The following MMP26 variants were observed in gnomAD, a reference collection of about 807,000 sequenced individuals.
The protein encoded by MMP26 is matrix metalloproteinase-26.
In MMP26, 33 loss-of-function variants were observed where a neutral mutation model predicts 31.0. That is an observed-to-expected ratio of 1.06 (90% CI 0.81 to 1.42). The LOEUF is 1.42. MMP26 is among the 40% of genes most tolerant of loss of function. The probability of loss-of-function intolerance (pLI) is 0.00; values close to 1 mark genes in which losing one functional copy is unlikely to be tolerated. For synonymous variants in MMP26, 122 were observed against 114.9 expected (o/e 1.06, Z -0.40); for missense variants, 347 against 316.1 (o/e 1.10, Z -0.74).
chr11:4,987,828 GTC>G (rs1257654587), intron 2 of MMP26, among the ~76,000 whole-genome samples: 2 of 152,104 alleles, frequency 1.3e-5, no homozygotes, highest in Non-Finnish European at 2.9e-5. Context: ...AAGATTGAAT[GTC>G]TCTGACTGGT....
At chr11:4,869,869 A>G (rs1020712539) in intron 2 of MMP26, among the ~76,000 whole-genome samples, 3 of 152,212 alleles carry the variant, frequency 2.0e-5, no homozygotes, top group African/African-American at 7.2e-5. Flanking sequence ...ACATATATAT[A>G]CACCAGGGAA....
intron 2 of MMP26, among the ~76,000 whole-genome samples, chr11:4,819,922 T>C (rs1292505161): frequency 1.3e-5 from 2 of 152,114 alleles, no homozygotes; most frequent in Admixed American, 1.3e-4. Flanking sequence ...TTTTCCATAG[T>C]GGATATAGCC....
At chr11:4,804,151 G>A in intron 2 of MMP26, 1 of 1,614,178 alleles carries the variant, frequency 6.2e-7, no homozygotes, top group Non-Finnish European at 8.5e-7. Flanking sequence ...AGTGGAGGAG[G>A]AGAGGACCAG....
chr11:4,738,769 A>C (rs1399946032), intron 1 of MMP26, among the ~76,000 whole-genome samples: 2 of 152,092 alleles, frequency 1.3e-5, no homozygotes, highest in African/African-American at 4.8e-5. Context: ...GAATTTTTGA[A>C]AGCGTTCCTT....
intron 1 of MMP26, among the ~76,000 whole-genome samples, chr11:4,716,183 G>A (rs1165034287): frequency 6.6e-6 from 1 of 152,210 alleles, no homozygotes; most frequent in Non-Finnish European, 1.5e-5. Flanking sequence ...ATCTCCAATT[G>A]TTCCTCTCCA....
chr11:4,759,379 A>G (rs571508508), intron 1 of MMP26, among the ~76,000 whole-genome samples: 1 of 152,276 alleles, frequency 6.6e-6, no homozygotes, highest in South Asian at 2.1e-4. Context: ...CTTTCAATCA[A>G]CAATTTAATT....
At chr11:4,708,220 T>A (rs550406550) in intron 1 of MMP26, among the ~76,000 whole-genome samples, 16 of 152,216 alleles carry the variant, frequency 1.1e-4, no homozygotes, top group Non-Finnish European at 2.1e-4. Context: ...CGAAGATCCA[T>A]AGCTTTTGTT....
intron 2 of MMP26, among the ~76,000 whole-genome samples, chr11:4,888,302 A>C (rs1257352004): frequency 1.3e-5 from 2 of 152,112 alleles, no homozygotes; most frequent in Non-Finnish European, 2.9e-5. Flanking sequence ...ATTTGAGGTA[A>C]CCAAACATCT....
chr11:4,727,266 G>A (rs1015286236), intron 1 of MMP26, among the ~76,000 whole-genome samples: 3 of 152,110 alleles, frequency 2.0e-5, no homozygotes, highest in South Asian at 4.1e-4. Flanking sequence ...CTTTAGTTAC[G>A]TTATAAAAGA....
Position 4,990,758 on chromosome 11 carries a change from A to G in MMP26, c.469+12A>G, listed in dbSNP as rs1323267321. On this transcript the variant is annotated intron_variant, in intron 5 of 7. Coordinates refer to ENST00000380390, the MANE Select transcript of MMP26 (RefSeq NM_021801.5). ...TTTCTGGCAGTGGGGTAAGAAATTGACATGGGAAGAAGGATATGTATATGC... is the reference window on the plus strand; with the variant it reads ...TTTCTGGCAGTGGGGTAAGAAATTGGCATGGGAAGAAGGATATGTATATGC... The G allele has an allele frequency of 6.2e-7, 1 of 1,613,836 alleles. No homozygotes were observed. The highest frequency in any genetic ancestry group is 1.3e-5 in the African/African-American group (1 of 74,942).
At chr11:4,829,959 T>G (rs1354928062) in intron 2 of MMP26, among the ~76,000 whole-genome samples, 1 of 152,202 alleles carries the variant, frequency 6.6e-6, no homozygotes, top group African/African-American at 2.4e-5. Context: ...ATCACATCAG[T>G]TAAAGCCGTC....
chr11:4,768,802 C>A (rs1848664945), intron 2 of MMP26, among the ~76,000 whole-genome samples: 1 of 152,112 alleles, frequency 6.6e-6, no homozygotes, highest in African/African-American at 2.4e-5. Context: ...CTACAAATGT[C>A]TTGGGTGATA....
At chr11:4,740,446 G>A (rs1013434202) in intron 1 of MMP26, among the ~76,000 whole-genome samples, 17 of 152,082 alleles carry the variant, frequency 1.1e-4, no homozygotes, top group Admixed American at 2.0e-4. Context: ...CACTTTGGGA[G>A]GCCAAGGCAG....
At chr11:4,835,595 G>T (rs1326575975) in intron 2 of MMP26, among the ~76,000 whole-genome samples, 1 of 152,114 alleles carries the variant, frequency 6.6e-6, no homozygotes, top group Non-Finnish European at 1.5e-5. Flanking sequence ...GAGCAATTGA[G>T]GCTCTGCTGT....
chr11:4,767,005 T>C (rs977503818), intron 1 of MMP26, among the ~76,000 whole-genome samples: 1 of 152,148 alleles, frequency 6.6e-6, no homozygotes, highest in Admixed American at 6.5e-5. Flanking sequence ...AGTCAGAAAG[T>C]GTAGCCAAAT....
intron 1 of MMP26, chr11:4,723,475 G>A: frequency 9.1e-7 from 1 of 1,096,942 alleles, no homozygotes. Flanking sequence ...CGAAATCTGG[G>A]ACTGCAGCTC....
At chr11:4,876,116 T>C (rs1041601586) in intron 2 of MMP26, 1 of 152,288 alleles carries the variant, frequency 6.6e-6, no homozygotes, top group South Asian at 2.1e-4. Context: ...CACATTTATA[T>C]CTGCACATCT....
At chr11:4,835,090 G>A (rs1022087489) in intron 2 of MMP26, among the ~76,000 whole-genome samples, 2 of 151,684 alleles carry the variant, frequency 1.3e-5, no homozygotes, top group African/African-American at 2.4e-5. Flanking sequence ...ATATGTACTT[G>A]TTTTATAAAT....
chr11:4,908,735 A>G (rs1331268185), intron 2 of MMP26: 1 of 169,010 alleles, frequency 5.9e-6, no homozygotes, highest in Non-Finnish European at 1.3e-5. Context: ...GTGAAATTTA[A>G]CAGATAGCAA....
Sources: gnomAD v4.1 joint callset for allele counts (sites outside exome capture counted in the v4.1 genomes callset) on GRCh38, gnomAD v4.1.1 for gene constraint, MANE v1.5 for transcripts, NCBI Gene and HGNC (gene_info 2026-07-23, HGNC 2026-07-21) for gene names.